Variants in IL3RA observed in about 807,000 individuals in gnomAD.
The protein encoded by IL3RA is interleukin-3 receptor subunit alpha.
A neutral mutation model predicts 52.3 loss-of-function variants in IL3RA; 73 were observed. The ratio of observed to expected loss-of-function variants is 1.40; its 90% CI spans 1.16 to 1.70. The LOEUF is 1.70. IL3RA is among the 40% of genes most tolerant of loss of function. The probability of loss-of-function intolerance (pLI) is 0.00; values close to 1 mark genes in which losing one functional copy is unlikely to be tolerated. For missense variants in IL3RA, 664 were observed against 504.4 expected (o/e 1.32, Z -3.03); for synonymous variants, 260 against 194.0 (o/e 1.34, Z -2.83).
chrX:1,353,102 C>G (rs1324912237), intron 6 of IL3RA, among the ~76,000 whole-genome samples: 3 of 148,954 alleles, frequency 2.0e-5, no homozygotes. Flanking sequence ...ATCATGGGTT[C>G]CATCATGGGT....
intron 1 of IL3RA, among the ~76,000 whole-genome samples, chrX:1,338,880 A>T (rs1181454141): frequency 6.6e-6 from 1 of 151,838 alleles, no homozygotes; most frequent in Admixed American, 6.6e-5. Flanking sequence ...GCTCACTGCA[A>T]CCTCCACCTC....
intron 9 of IL3RA, among the ~76,000 whole-genome samples, chrX:1,367,906 CA>C (rs199857693): frequency 0.045 from 6,858 of 151,838 alleles, 562 homozygotes; most frequent in African/African-American, 0.16. Flanking sequence ...TCTGTGACCC[CA>C]AAAAGGACCC....
At chrX:1,348,860 CCTCT>C (rs1266178409) in intron 4 of IL3RA, among the ~76,000 whole-genome samples, 1 of 117,172 alleles carries the variant, frequency 8.5e-6, no homozygotes. Flanking sequence ...CACCCTACTT[CCTCT>C]CTCTCCTTCC....
intron 3 of IL3RA, among the ~76,000 whole-genome samples, chrX:1,346,306 G>A (rs1452143369): frequency 6.6e-6 from 1 of 151,990 alleles, no homozygotes; most frequent in African/African-American, 2.4e-5. Flanking sequence ...GGGCATGGTG[G>A]TGGGCGCCTG....
chrX:1,339,079 A>G (rs58482300), intron 1 of IL3RA, among the ~76,000 whole-genome samples: 321 of 152,138 alleles, frequency 2.1e-3, no homozygotes, highest in African/African-American at 7.5e-3. Flanking sequence ...ACCTCAAGCA[A>G]TCCACCCCCC....
At position 1,357,135 on chromosome X, in the gene IL3RA, G is replaced by A. The variant is rs189419385; in HGVS notation, c.732+799G>A. Reference sequence around the variant, plus strand: ...ACCCAGCTAAGTTTTTGTATTTTTAGTAGAAACAGAGTTTCATCATGTTGG... The same window carrying A: ...ACCCAGCTAAGTTTTTGTATTTTTAATAGAAACAGAGTTTCATCATGTTGG... On this transcript the variant is annotated intron_variant, in intron 7 of 11. Transcript: ENST00000331035. Among the ~76,000 whole-genome samples the A allele has an allele frequency of 6.9e-3, 1,042 of 152,072 alleles. 14 individuals are homozygous for A. Among genetic ancestry groups the A allele is most frequent in the African/African-American group, 0.023 (955 of 41,502 alleles).
rs2085506982 is a variant in IL3RA, at chrX:1,341,773, T to C, written c.8T>C (p.Leu3Pro). 6.2e-7 allele frequency: 1 copy of C among 1,613,816 alleles called. No individual in the cohort carries two copies. The highest frequency in any genetic ancestry group is 1.1e-5 in the South Asian group (1 of 91,084). The change falls in exon 2 of 12, where the codon CTC becomes CCC. Residue 3 changes from leucine (L) to proline (P), a missense_variant. By Grantham distance (98) the Leu-to-Pro change is moderately conservative. Coordinates refer to ENST00000331035, the MANE Select transcript of IL3RA (RefSeq NM_002183.4). Reference protein sequence around the residue: MVLLWLTLLLIAL... With the variant: MVPLWLTLLLIAL... Reference sequence around the variant, plus strand: ...TCCGGAGCTGCGTTCCCGATGGTCCTCCTTTGGCTCACGCTGCTCCTGATC... The same window carrying C: ...TCCGGAGCTGCGTTCCCGATGGTCCCCCTTTGGCTCACGCTGCTCCTGATC...
At chrX:1,378,626 C>T in intron 9 of IL3RA, 33 bp from the exon 10 acceptor site, 1 of 1,587,246 alleles carries the variant, frequency 6.3e-7, no homozygotes, top group Non-Finnish European at 8.6e-7. Flanking sequence ...AGGACGGCCC[C>T]CGGTCTGTGA....
chrX:1,347,932 G>T (rs1263590648), intron 3 of IL3RA, among the ~76,000 whole-genome samples: 4 of 151,132 alleles, frequency 2.6e-5, no homozygotes, highest in Non-Finnish European at 5.9e-5. Flanking sequence ...AGCTACTTGG[G>T]AGGATGAGGC....
chrX:1,352,150 G>A lies in IL3RA; in HGVS notation c.349G>A (p.Val117Met), dbSNP rs1486702376. 1.1e-5 allele frequency: 17 copies of A among 1,613,724 alleles called. No homozygotes were observed. Among genetic ancestry groups the A allele is most frequent in the African/African-American group, 1.3e-5 (1 of 74,926 alleles). Residue 117 changes from valine to methionine, a missense_variant, in exon 5 of 12, where the codon GTG (valine) becomes ATG (methionine). Transcript: ENST00000331035. Reference protein sequence around the residue: ...AENLTCWIHDVDFLSCSWAVG... With the variant: ...AENLTCWIHDMDFLSCSWAVG... ...GAATCTGACCTGCTGGATTCATGAC[G>A]TGGATTTCTTGAGCTGCAGCTGGGC...
At chrX:1,358,641 G>A (rs17885610) in intron 7 of IL3RA, among the ~76,000 whole-genome samples, 4,739 of 152,092 alleles carry the variant, frequency 0.031, 76 homozygotes, top group Non-Finnish European at 0.035. Flanking sequence ...CCTGGGTGAC[G>A]GAGTGAGACT....
chrX:1,365,373 CG>C lies in IL3RA; in HGVS notation c.874+122del, dbSNP rs2087887612. On this transcript the variant is annotated intron_variant, in intron 9 of 11. Transcript: ENST00000331035. Reference sequence around the variant, plus strand: ...CGGGGTGAGCGGGGTGAGCCGGGTGCGCGGGGTGAGCCGGCTGCGCGGGGTG... The same window carrying C: ...CGGGGTGAGCGGGGTGAGCCGGGTGCCGGGGTGAGCCGGCTGCGCGGGGTG... 1.6e-4 allele frequency: 29 copies of C among 186,602 alleles called. 1 individual carries two copies. The highest frequency in any genetic ancestry group is 1.5e-3 in the South Asian group (16 of 10,632). The allele number at this position is 186,602 out of a possible 1,614,324, so 11.6% of individuals were successfully genotyped here.
At chrX:1,380,171 G>A (rs1271970809) in intron 10 of IL3RA, among the ~76,000 whole-genome samples, 2 of 151,358 alleles carry the variant, frequency 1.3e-5, no homozygotes, top group Non-Finnish European at 2.9e-5. Context: ...TGGGATGACA[G>A]GCGTGTGCCA....
At chrX:1,345,679 A>T (rs1459339396) in intron 3 of IL3RA, among the ~76,000 whole-genome samples, 2 of 151,372 alleles carry the variant, frequency 1.3e-5, no homozygotes, top group African/African-American at 4.9e-5. Context: ...TTTAGTAGAG[A>T]TGGGGTTTCA....
intron 1 of IL3RA, among the ~76,000 whole-genome samples, chrX:1,337,639 T>C (rs1310761849): frequency 1.3e-5 from 2 of 148,408 alleles, no homozygotes; most frequent in African/African-American, 4.9e-5. Flanking sequence ...TACCCATCTA[T>C]AGACGAATGG....
chrX:1,338,492 G>A (rs1331566445), intron 1 of IL3RA, among the ~76,000 whole-genome samples: 1 of 152,204 alleles, frequency 6.6e-6, no homozygotes, highest in Non-Finnish European at 1.5e-5. Context: ...CCCATCTATA[G>A]ATGAATGGAG....
Position 1,341,750 on chromosome X carries a change from C to A in IL3RA, c.-16C>A. 6.2e-7 allele frequency: 1 copy of A among 1,613,714 alleles called. No individual in the cohort carries two copies. Among genetic ancestry groups the A allele is most frequent in the Non-Finnish European group, 8.5e-7 (1 of 1,179,754 alleles). Reference sequence around the variant, plus strand: ...CAGCAGGCACCTCTGTCCTGCGTTCCGGAGCTGCGTTCCCGATGGTCCTCC... The same window carrying A: ...CAGCAGGCACCTCTGTCCTGCGTTCAGGAGCTGCGTTCCCGATGGTCCTCC... On this transcript the variant is annotated 5_prime_UTR_variant, in exon 2 of 12. Transcript: ENST00000331035.
At position 1,348,547 on chromosome X, in the gene IL3RA, T is replaced by G. The variant is rs1174082081; in HGVS notation, c.298+2T>G. The G allele has an allele frequency of 1.2e-6, 2 of 1,604,776 alleles. No homozygotes were observed. Among genetic ancestry groups the G allele is most frequent in the Non-Finnish European group, 1.7e-6 (2 of 1,171,528 alleles). ...CGTGGATCCTCTTCCCTGAGAACAG[T>G]GAGAAAAATGTTCATTGTTTGTTTA... On this transcript the variant is annotated splice_donor_variant, in intron 4 of 11. Coordinates refer to ENST00000331035, the MANE Select transcript of IL3RA (RefSeq NM_002183.4). LOFTEE classifies it high-confidence loss of function.
chrX:1,347,683 A>G (rs1349112586), intron 3 of IL3RA, among the ~76,000 whole-genome samples: 1 of 151,312 alleles, frequency 6.6e-6, no homozygotes, highest in South Asian at 2.1e-4. Context: ...ACAAACAGAA[A>G]AGTATTTCAC....
Sources: gnomAD v4.1 joint callset for allele counts (sites outside exome capture counted in the v4.1 genomes callset) on GRCh38, gnomAD v4.1.1 for gene constraint, MANE v1.5 for transcripts, NCBI Gene and HGNC (gene_info 2026-07-23, HGNC 2026-07-21) for gene names.